The following XNDC1N variants were observed in gnomAD, a reference collection of about 807,000 sequenced individuals.
XNDC1N encodes the protein XRCC1 N-terminal domain containing 1, N-terminal like.
At chr11:71,904,113 C>T in the XNDC1N span, 7 of 505,978 alleles carry the variant, frequency 1.4e-5, no homozygotes, top group East Asian at 2.3e-4. Flanking sequence ...CGCACAGCAG[C>T]GCAGTCTAAT....
the XNDC1N span, among the ~76,000 whole-genome samples, chr11:71,902,932 G>A: frequency 1.3e-5 from 2 of 152,168 alleles, no homozygotes; most frequent in Admixed American, 6.5e-5. Flanking sequence ...TTCTTGGAAC[G>A]TTCTTGAAGC....
the XNDC1N span, chr11:71,916,569 G>A: frequency 3.7e-6 from 1 of 266,676 alleles, no homozygotes; most frequent in Non-Finnish European, 7.3e-6. Flanking sequence ...GAAGTTACCT[G>A]CAGAGTAAGG....
At chr11:71,920,731 A>G in the XNDC1N span, among the ~76,000 whole-genome samples, 2 of 152,238 alleles carry the variant, frequency 1.3e-5, no homozygotes, top group South Asian at 4.1e-4. Flanking sequence ...AATATCAACA[A>G]TAGTGATATT....
At chr11:71,910,109 G>A in the XNDC1N span, among the ~76,000 whole-genome samples, 1 of 152,094 alleles carries the variant, frequency 6.6e-6, no homozygotes, top group African/African-American at 2.4e-5. Flanking sequence ...TCCGTCTCAA[G>A]CACCTAAGAA....
At chr11:71,922,215 G>A in the XNDC1N span, among the ~76,000 whole-genome samples, 2 of 152,328 alleles carry the variant, frequency 1.3e-5, no homozygotes, top group East Asian at 3.9e-4. Flanking sequence ...CAGGTAAGGA[G>A]GGTAAGTGTA....
At chr11:71,873,913 T>C in the XNDC1N span, among the ~76,000 whole-genome samples, 1 of 152,206 alleles carries the variant, frequency 6.6e-6, no homozygotes, top group Non-Finnish European at 1.5e-5. Context: ...AATTAGAGTA[T>C]GCAAAGCTCT....
At chr11:71,873,286 A>G in the XNDC1N span, among the ~76,000 whole-genome samples, 6 of 152,254 alleles carry the variant, frequency 3.9e-5, no homozygotes, top group Admixed American at 3.9e-4. Flanking sequence ...TTTGGCTGCA[A>G]TCCACAGGAT....
chr11:71,886,139 G>C, the XNDC1N span, among the ~76,000 whole-genome samples: 1 of 152,004 alleles, frequency 6.6e-6, no homozygotes. Flanking sequence ...GTGGAGAGGC[G>C]TGTTTTTGGG....
At chr11:71,908,882 T>C in the XNDC1N span, among the ~76,000 whole-genome samples, 4 of 152,052 alleles carry the variant, frequency 2.6e-5, no homozygotes, top group South Asian at 6.2e-4. Context: ...GAACCGACCC[T>C]CAGTTGGACC....
chr11:71,867,976 G>C, the XNDC1N span, among the ~76,000 whole-genome samples: 1 of 152,090 alleles, frequency 6.6e-6, no homozygotes, highest in Admixed American at 6.5e-5. Context: ...CACTTGTCTT[G>C]GGTTCATATA....
the XNDC1N span, among the ~76,000 whole-genome samples, chr11:71,872,741 A>T: frequency 6.6e-6 from 1 of 152,174 alleles, no homozygotes; most frequent in African/African-American, 2.4e-5. Context: ...AAAACAAAAA[A>T]AGAAATAGGA....
At chr11:71,879,422 T>TA in the XNDC1N span, among the ~76,000 whole-genome samples, 19 of 152,346 alleles carry the variant, frequency 1.2e-4, no homozygotes, top group African/African-American at 3.6e-4. Flanking sequence ...AAAAACATAT[T>TA]AAACTGTGGT....
At chr11:71,896,752 G>A in the XNDC1N span, among the ~76,000 whole-genome samples, 1 of 152,176 alleles carries the variant, frequency 6.6e-6, no homozygotes. Flanking sequence ...TGGTAGAGAC[G>A]GGGGTTTCTC....
the XNDC1N span, among the ~76,000 whole-genome samples, chr11:71,913,954 C>T: frequency 3.3e-5 from 5 of 152,158 alleles, no homozygotes; most frequent in African/African-American, 1.2e-4. Context: ...TATTTTAAAC[C>T]CACAGTTGAA....
chr11:71,879,990 A>C, the XNDC1N span, among the ~76,000 whole-genome samples: 1 of 152,144 alleles, frequency 6.6e-6, no homozygotes, highest in Admixed American at 6.5e-5. Flanking sequence ...TAAATGGAAC[A>C]CTCTAAAGGA....
chr11:71,884,471 T>C, the XNDC1N span: 1 of 1,610,320 alleles, frequency 6.2e-7, no homozygotes. Flanking sequence ...TGAAGTGCAA[T>C]GCTGATGAAC....
the XNDC1N span, among the ~76,000 whole-genome samples, chr11:71,920,253 C>T: frequency 8.6e-5 from 13 of 151,914 alleles, no homozygotes; most frequent in South Asian, 6.2e-4. Context: ...CCACCGTGCC[C>T]GGCCCAAAAG....
the XNDC1N span, among the ~76,000 whole-genome samples, chr11:71,905,421 C>T: frequency 1.3e-5 from 2 of 151,726 alleles, no homozygotes; most frequent in African/African-American, 4.8e-5. Context: ...AAGTAACACC[C>T]CCCCTAGAAT....
At chr11:71,882,965 T>G in the XNDC1N span, among the ~76,000 whole-genome samples, 1 of 152,050 alleles carries the variant, frequency 6.6e-6, no homozygotes, top group Admixed American at 6.5e-5. Flanking sequence ...AGCAAGCAAC[T>G]GGAAAGCAAG....
Sources: gnomAD v4.1 joint callset for allele counts (sites outside exome capture counted in the v4.1 genomes callset) on GRCh38, gnomAD v4.1.1 for gene constraint, MANE v1.5 for transcripts, NCBI Gene and HGNC (gene_info 2026-07-23, HGNC 2026-07-21) for gene names.